The following HIBCH variants were observed in gnomAD, a reference collection of about 807,000 sequenced individuals.
HIBCH encodes the protein 3-hydroxyisobutyryl-CoA hydrolase, mitochondrial.
In HIBCH, 50 loss-of-function variants were observed where a neutral mutation model predicts 58.2. That is an observed-to-expected ratio of 0.86 (90% CI 0.68 to 1.09). The LOEUF is 1.09. Among genes scored for constraint, HIBCH ranks in the 50% least tolerant of loss-of-function variants. HIBCH has a pLI of 0.00. For synonymous variants in HIBCH, 151 were observed against 146.9 expected (o/e 1.03, Z -0.20); for missense variants, 450 against 449.7 (o/e 1.00, Z -0.01).
At chr2:190,264,281 C>CT (rs77210596) in intron 6 of HIBCH, among the ~76,000 whole-genome samples, 1,645 of 144,130 alleles carry the variant, frequency 0.011, 26 homozygotes, top group Middle Eastern at 0.036. Context: ...TTTTTTCTTT[C>CT]TTTTTTTTTT....
At chr2:190,200,228 G>T, downstream of HIBCH, 5 of 1,140,908 alleles carry the variant, frequency 4.4e-6, no homozygotes, top group Non-Finnish European at 3.9e-6. Flanking sequence ...GTGTGAAAAA[G>T]TACAAATAAC....
intron 5 of HIBCH, among the ~76,000 whole-genome samples, chr2:190,287,959 C>T (rs1687872682): frequency 1.3e-5 from 2 of 151,974 alleles, no homozygotes; most frequent in South Asian, 4.2e-4. Context: ...CAGTATGAGA[C>T]CAGCCTGAGC....
At chr2:190,305,424 T>C (rs1414687350) in intron 2 of HIBCH, among the ~76,000 whole-genome samples, 1 of 152,180 alleles carries the variant, frequency 6.6e-6, no homozygotes, top group Non-Finnish European at 1.5e-5. Flanking sequence ...CTCTGGCTTG[T>C]GGCAGCATAA....
intron 11 of HIBCH, among the ~76,000 whole-genome samples, chr2:190,221,656 T>C (rs1212002101): frequency 6.6e-6 from 1 of 152,166 alleles, no homozygotes; most frequent in Non-Finnish European, 1.5e-5. Context: ...TGCTCGAATG[T>C]TGCCTTTTCC....
At chr2:190,248,168 T>C (rs1383264496) in intron 9 of HIBCH, among the ~76,000 whole-genome samples, 1 of 152,206 alleles carries the variant, frequency 6.6e-6, no homozygotes, top group Non-Finnish European at 1.5e-5. Flanking sequence ...GTGCCTTTGT[T>C]GTTTGTTTTG....
chr2:190,227,401 C>G (rs1461573974), intron 11 of HIBCH, among the ~76,000 whole-genome samples: 1 of 152,114 alleles, frequency 6.6e-6, no homozygotes, highest in Non-Finnish European at 1.5e-5. Context: ...CTTCCTTACA[C>G]CTTATACAAA....
In HIBCH at chr2:190,288,174, T is replaced by TAAAAAAAAAA. The variant is rs72480573; in HGVS notation, c.386-537_386-536insTTTTTTTTTT. ...ACCCTATCTTTTTTTTTTTTTTTTT[T>TAAAAAAAAAA]AAAAAAAGGAAGAGCTATGTCACAT... On this transcript the variant is annotated intron_variant, in intron 5 of 13. Transcript: ENST00000359678. Among the ~76,000 whole-genome samples the TAAAAAAAAAA allele has an allele frequency of 2.6e-3, 383 of 144,916 alleles. 1 individual carries two copies. The highest frequency in any genetic ancestry group is 8.5e-3 in the African/African-American group (331 of 38,906).
chr2:190,277,687 C>A (rs1006354558), intron 6 of HIBCH, among the ~76,000 whole-genome samples: 1 of 152,162 alleles, frequency 6.6e-6, no homozygotes, highest in African/African-American at 2.4e-5. Flanking sequence ...AGTTTTGTAA[C>A]AAACAGCCAT....
chr2:190,215,213 G>A lies in HIBCH; in HGVS notation c.892-2138C>T, dbSNP rs1233528210. The A allele has an allele frequency of 6.6e-6, 1 of 152,130 alleles. No homozygotes were observed. Among genetic ancestry groups the A allele is most frequent in the Non-Finnish European group, 1.5e-5 (1 of 68,026 alleles). The allele number at this position is 152,130 out of a possible 1,614,324, so 9.4% of individuals were successfully genotyped here. On this transcript the variant is annotated intron_variant, in intron 11 of 13. Transcript: ENST00000359678. This position sits in a 1 kb window ranked among gnomAD's most constrained non-coding sequence, Gnocchi z 4.4. ...GTCAATCATGAATATTGTGTTTACT[G>A]GGGAAGAGAGGGGAATAATTATAAG...
At chr2:190,247,990 G>T (rs1172263021) in intron 9 of HIBCH, among the ~76,000 whole-genome samples, 2 of 152,142 alleles carry the variant, frequency 1.3e-5, no homozygotes, top group African/African-American at 4.8e-5. Context: ...TTATTGCCAT[G>T]GTGTGGAACC....
At chr2:190,231,025 CA>C (rs1464556525) in intron 11 of HIBCH, among the ~76,000 whole-genome samples, 1 of 152,154 alleles carries the variant, frequency 6.6e-6, no homozygotes, top group Non-Finnish European at 1.5e-5. Context: ...TTAGTTCTTT[CA>C]AAAGCCATTG....
chr2:190,214,096 T>C lies in HIBCH; in HGVS notation c.892-1021A>G, dbSNP rs1210535853. On this transcript the variant is annotated intron_variant, in intron 11 of 13. Coordinates refer to ENST00000359678, the MANE Select transcript of HIBCH (RefSeq NM_014362.4). This position sits in a 1 kb window ranked among gnomAD's most constrained non-coding sequence, Gnocchi z 5.5. ...AGGGAGACGCACCCCACTTGATTTA[T>C]GTGGCCTGCTCTGGACATCTTGGCT... 6.6e-6 allele frequency: 1 copy of C among 152,226 alleles called. No individual in the cohort carries two copies. The highest frequency in any genetic ancestry group is 6.5e-5 in the Admixed American group (1 of 15,274). 9.4% of individuals were successfully genotyped at this position (152,226 alleles called of 1,614,324 possible).
intron 8 of HIBCH, chr2:190,251,430 A>C (rs1686764638): frequency 2.8e-6 from 1 of 362,250 alleles, no homozygotes; most frequent in Admixed American, 3.4e-5. Context: ...GAGTGAACCA[A>C]ACCAGGTGAA....
At chr2:190,319,630 G>A in intron 1 of HIBCH, 86 bp downstream of exon 1, 1 of 1,182,368 alleles carries the variant, frequency 8.5e-7, no homozygotes, top group Non-Finnish European at 1.2e-6. Context: ...AAACTTCGAG[G>A]CCAGCAGTCT....
chr2:190,302,650 T>C (rs999042418), intron 2 of HIBCH, among the ~76,000 whole-genome samples: 7 of 152,136 alleles, frequency 4.6e-5, no homozygotes, highest in Admixed American at 2.6e-4. Flanking sequence ...TGGTGGCTAA[T>C]AAGGGAGGAG....
Position 190,254,992 on chromosome 2 carries a change from G to T in HIBCH, c.518-2685C>A, listed in dbSNP as rs1559036421. ...ATTAAAATTTTAAAAGCCACTTGTG[G>T]CTAGTGGCTATACAGTATTGGACAG... On this transcript the variant is annotated intron_variant, in intron 7 of 13. Transcript: ENST00000359678. The surrounding 1 kb of genome is among the most constrained non-coding windows in gnomAD (Gnocchi z 5.0). 1.3e-5 allele frequency among the ~76,000 whole-genome samples: 2 copies of T among 152,058 alleles called. No individual in the cohort carries two copies.
chr2:190,271,994 T>C (rs1687414279), intron 6 of HIBCH, among the ~76,000 whole-genome samples: 2 of 152,194 alleles, frequency 1.3e-5, no homozygotes, highest in South Asian at 4.1e-4. Context: ...CTTACACAAT[T>C]GCACCAACCA....
intron 7 of HIBCH, among the ~76,000 whole-genome samples, chr2:190,258,071 G>A (rs1012061253): frequency 6.6e-6 from 1 of 152,154 alleles, no homozygotes; most frequent in Non-Finnish European, 1.5e-5. Context: ...CGAATGAGGG[G>A]CCTGGTGGAA....
chr2:190,295,644 T>C (rs1005342070), intron 3 of HIBCH, among the ~76,000 whole-genome samples: 4 of 152,226 alleles, frequency 2.6e-5, no homozygotes, highest in African/African-American at 9.6e-5. Context: ...AAAAGGTTCA[T>C]GCAATACCGG....
Sources: gnomAD v4.1 joint callset for allele counts (sites outside exome capture counted in the v4.1 genomes callset) on GRCh38, gnomAD v4.1.1 for gene constraint, Gnocchi (gnomAD v3.1) non-coding constraint, MANE v1.5 for transcripts, NCBI Gene and HGNC (gene_info 2026-07-23, HGNC 2026-07-21) for gene names.